Variants in CAP2 observed in about 807,000 individuals in gnomAD.
CAP2 encodes cyclase associated actin cytoskeleton regulatory protein 2.
Under a neutral mutation model 57.7 loss-of-function variants are expected in CAP2, and 24 were observed. That is an observed-to-expected ratio of 0.42 (90% CI 0.30 to 0.58). The LOEUF is 0.58. Ranked by LOEUF, CAP2 falls within the 20% of genes least tolerant of loss-of-function variation. The probability of loss-of-function intolerance (pLI) is 0.22; values close to 1 mark genes in which losing one functional copy is unlikely to be tolerated. For missense variants in CAP2, 501 were observed against 590.3 expected (o/e 0.85, Z 1.57); for synonymous variants, 194 against 207.2 (o/e 0.94, Z 0.55).
chr6:17,403,444 T>C (rs1217811114), intron 1 of CAP2, among the ~76,000 whole-genome samples: 1 of 152,226 alleles, frequency 6.6e-6, no homozygotes, highest in African/African-American at 2.4e-5. Flanking sequence ...CACATATCCA[T>C]AAAGTTATGG....
At chr6:17,497,016 C>A (rs1395003828) in intron 4 of CAP2, among the ~76,000 whole-genome samples, 3 of 152,140 alleles carry the variant, frequency 2.0e-5, no homozygotes, top group Non-Finnish European at 4.4e-5. Flanking sequence ...AAAGTAGAGA[C>A]AACAGATGAA....
chr6:17,530,815 C>A, intron 7 of CAP2: 1 of 624,732 alleles, frequency 1.6e-6, no homozygotes, highest in Non-Finnish European at 2.7e-6. Context: ...TTTTGGTCTC[C>A]CACTTTTTTT....
chr6:17,520,056 A>T (rs1402991263), intron 7 of CAP2, among the ~76,000 whole-genome samples: 7 of 152,178 alleles, frequency 4.6e-5, no homozygotes, highest in Admixed American at 2.0e-4. Flanking sequence ...ATGTATATAC[A>T]GTCTTATGTA....
rs76673516 is a variant in CAP2 at position 17,518,033 on chromosome 6, C to T, written c.636+4079C>T. Reference sequence around the variant, plus strand: ...TTATTTATATTATACATATTATGTGCTCACATAATATGCCAGGGGAATATT... The same window carrying T: ...TTATTTATATTATACATATTATGTGTTCACATAATATGCCAGGGGAATATT... On this transcript the variant is annotated intron_variant, in intron 7 of 12. Coordinates refer to ENST00000229922, the MANE Select transcript of CAP2 (RefSeq NM_006366.3). Among the ~76,000 whole-genome samples, 87 of 152,158 alleles carry T rather than the reference C, an allele frequency of 5.7e-4. 1 individual carries two copies. In the East Asian group the frequency reaches 0.016, roughly 28 times the overall value.
chr6:17,427,733 C>T (rs1204689920), intron 3 of CAP2, among the ~76,000 whole-genome samples: 1 of 152,084 alleles, frequency 6.6e-6, no homozygotes, highest in Non-Finnish European at 1.5e-5. Context: ...ACAATAGCCA[C>T]GAGGTGGAAG....
intron 3 of CAP2, among the ~76,000 whole-genome samples, chr6:17,453,938 G>T: frequency 7.6e-6 from 1 of 131,578 alleles, no homozygotes; most frequent in African/African-American, 2.9e-5. Context: ...AGGCTGGATT[G>T]CCATGGCGTG....
At chr6:17,508,603 C>A (rs1762051504) in intron 6 of CAP2, among the ~76,000 whole-genome samples, 1 of 152,148 alleles carries the variant, frequency 6.6e-6, no homozygotes, top group Non-Finnish European at 1.5e-5. Context: ...AAGAGTGGAT[C>A]TCCCTCTGAG....
At position 17,554,026 on chromosome 6, in the gene CAP2, C is replaced by T. The variant is rs530555523; in HGVS notation, c.1351-2333C>T. Among the ~76,000 whole-genome samples, 16 of 152,296 alleles carry T rather than the reference C, an allele frequency of 1.1e-4. No individual in the cohort carries two copies. The East Asian group carries it at 2.7e-3, about 26-fold the overall frequency. ...TATTCAGATTGTGGGTTCTTTACTT[C>T]AAGATTTTTCCATTGCAGATTTTAC... On this transcript the variant is annotated intron_variant, in intron 12 of 12. Coordinates refer to ENST00000229922, the MANE Select transcript of CAP2 (RefSeq NM_006366.3).
intron 3 of CAP2, among the ~76,000 whole-genome samples, chr6:17,430,463 T>C (rs563615482): frequency 7.9e-5 from 12 of 152,172 alleles, no homozygotes; most frequent in Non-Finnish European, 1.8e-4. Context: ...AAGCAGATCC[T>C]CTAGAAACTG....
At chr6:17,411,212 G>A (rs900448505) in intron 1 of CAP2, among the ~76,000 whole-genome samples, 2 of 152,040 alleles carry the variant, frequency 1.3e-5, no homozygotes, top group Admixed American at 6.6e-5. Context: ...ATGGACATTT[G>A]GATTGTTTCC....
rs557014212 is a variant in CAP2, at chr6:17,414,071, G to A, written c.-1-7484G>A. ...TCTGTCTCAAAAAAAAAAAAAAAGA[G>A]TTTAACAATCTAGGACAGTCTGATT... On this transcript the variant is annotated intron_variant, in intron 1 of 12. Coordinates refer to ENST00000229922, the MANE Select transcript of CAP2 (RefSeq NM_006366.3). Among the ~76,000 whole-genome samples the A allele has an allele frequency of 1.2e-4, 18 of 151,234 alleles. No individual in the cohort carries two copies. The East Asian group carries it at 2.1e-3, about 18-fold the overall frequency.
intron 2 of CAP2, among the ~76,000 whole-genome samples, chr6:17,425,339 C>T (rs965159546): frequency 6.6e-5 from 10 of 152,154 alleles, no homozygotes; most frequent in Non-Finnish European, 1.0e-4. Context: ...TGAGCTTTGC[C>T]AGTAATTTGG....
intron 4 of CAP2, among the ~76,000 whole-genome samples, chr6:17,506,096 G>A (rs1180486731): frequency 1.3e-5 from 2 of 151,938 alleles, no homozygotes; most frequent in African/African-American, 4.8e-5. Context: ...GTGGGGTCTT[G>A]CTGTGTTGTC....
At chr6:17,471,080 G>A (rs188387721) in intron 4 of CAP2, among the ~76,000 whole-genome samples, 47 of 152,300 alleles carry the variant, frequency 3.1e-4, no homozygotes, top group African/African-American at 8.2e-4. Context: ...GCCAAACAAA[G>A]TAATCATGTG....
intron 5 of CAP2, 74 bp from the exon 6 acceptor site, chr6:17,507,567 C>T (rs1762021929): frequency 4.1e-6 from 4 of 971,698 alleles, no homozygotes; most frequent in African/African-American, 1.6e-5. Flanking sequence ...TGCTTTTCTT[C>T]TTCTTTAAGG....
intron 4 of CAP2, among the ~76,000 whole-genome samples, chr6:17,465,391 C>T (rs1760836537): frequency 6.6e-6 from 1 of 152,120 alleles, no homozygotes; most frequent in Non-Finnish European, 1.5e-5. Context: ...GAAACTGGTT[C>T]CCAGGGAGGC....
chr6:17,476,864 C>CTTTTTTTT (rs67003718), intron 4 of CAP2, among the ~76,000 whole-genome samples: 11 of 72,408 alleles, frequency 1.5e-4, no homozygotes, highest in Admixed American at 1.9e-4. Flanking sequence ...TTTCTTACTT[C>CTTTTTTTT]TTTTTTTTTT....
rs1157134318 is a variant in CAP2 at position 17,513,963 on chromosome 6, G to A, written c.636+9G>A. ...TCACATGGAGCAAAACAGTGAGTAC[G>A]AGGCCTTCCTCCACGTGTGTAAAAA... On this transcript the variant is annotated intron_variant, in intron 7 of 12. Transcript: ENST00000229922. The surrounding 1 kb of genome is among the most constrained non-coding windows in gnomAD (Gnocchi z 4.3). 2.6e-6 allele frequency: 4 copies of A among 1,533,392 alleles called. No individual in the cohort carries two copies. The highest frequency in any genetic ancestry group is 1.1e-5 in the South Asian group (1 of 89,498). The allele number at this position is 1,533,392 out of a possible 1,614,324, so 95.0% of individuals were successfully genotyped here.
At chr6:17,478,871 A>C (rs1732973883) in intron 4 of CAP2, among the ~76,000 whole-genome samples, 1 of 152,132 alleles carries the variant, frequency 6.6e-6, no homozygotes, top group Non-Finnish European at 1.5e-5. Context: ...AAGAATTTTT[A>C]CTGCTGACCA....
Sources: allele counts gnomAD v4.1 joint callset (sites outside exome capture counted in the v4.1 genomes callset), GRCh38; gene constraint gnomAD v4.1.1; non-coding constraint Gnocchi (gnomAD v3.1); transcripts MANE v1.5; gene names NCBI Gene and HGNC (gene_info 2026-07-23, HGNC 2026-07-21).